GAB2: variants seen among roughly 807,000 people sequenced by gnomAD.
GAB2 encodes GRB2-associated-binding protein 2.
GAB2 carries 26 observed loss-of-function variants against 65.5 expected under a neutral mutation model. The ratio of observed to expected loss-of-function variants is 0.40; its 90% CI spans 0.29 to 0.55. GAB2 has a LOEUF of 0.55. Ranked by LOEUF, GAB2 falls within the 20% of genes least tolerant of loss-of-function variation. The pLI, the probability that GAB2 is intolerant of heterozygous loss-of-function variation, is 0.53. For synonymous variants in GAB2, 321 were observed against 329.6 expected (o/e 0.97, Z 0.28); for missense variants, 884 against 875.8 (o/e 1.01, Z -0.12).
At chr11:78,298,284 G>A (rs769318439) in intron 1 of GAB2, among the ~76,000 whole-genome samples, 4 of 152,158 alleles carry the variant, frequency 2.6e-5, no homozygotes, top group South Asian at 2.1e-4. Flanking sequence ...GGGAGATACC[G>A]GAGAAGGAAG....
intron 1 of GAB2, among the ~76,000 whole-genome samples, chr11:78,289,277 A>G (rs1158673939): frequency 6.6e-6 from 1 of 152,212 alleles, no homozygotes; most frequent in Non-Finnish European, 1.5e-5. Flanking sequence ...AGGCCTTTTC[A>G]AGAAATGGTG....
At chr11:78,314,775 T>C (rs1855567921) in intron 1 of GAB2, among the ~76,000 whole-genome samples, 1 of 152,172 alleles carries the variant, frequency 6.6e-6, no homozygotes, top group Non-Finnish European at 1.5e-5. Context: ...GAACAAAAAC[T>C]GTCGGTTTAG....
chr11:78,261,267 G>T (rs191797519), intron 2 of GAB2, among the ~76,000 whole-genome samples: 1 of 152,064 alleles, frequency 6.6e-6, no homozygotes, highest in African/African-American at 2.4e-5. Context: ...CGGCCTGGGC[G>T]ACAGAGTGAG....
chr11:78,365,144 G>C (rs1380758208), intron 1 of GAB2, among the ~76,000 whole-genome samples: 3 of 152,156 alleles, frequency 2.0e-5, no homozygotes, highest in African/African-American at 7.2e-5. Flanking sequence ...ACAAATATTT[G>C]TGTAGGAAAA....
In GAB2 at chr11:78,227,631, C is replaced by CAAAAAAAAAAAAAAAA. The variant is rs55716895; in HGVS notation, c.621-596_621-581dup. Among the ~76,000 whole-genome samples the CAAAAAAAAAAAAAAAA allele has an allele frequency of 1.0e-3, 109 of 105,976 alleles. 3 individuals are homozygous for CAAAAAAAAAAAAAAAA. Among genetic ancestry groups the CAAAAAAAAAAAAAAAA allele is most frequent in the East Asian group, 7.4e-3 (24 of 3,226 alleles). The allele number at this position is 105,976 out of a possible 152,430, so 69.5% of individuals were successfully genotyped here. ...GAACACAATAAGACTCCATTGCCAC[C>CAAAAAAAAAAAAAAAA]AAAAAAAAAAAAAAAAGAACTAGCT... On this transcript the variant is annotated intron_variant, in intron 3 of 9. Transcript: ENST00000361507.
chr11:78,272,440 AT>A (rs1866040989), intron 2 of GAB2, among the ~76,000 whole-genome samples: 1 of 152,176 alleles, frequency 6.6e-6, no homozygotes, highest in Non-Finnish European at 1.5e-5. Flanking sequence ...CTCTTGTTAT[AT>A]TTTAGCAAAG....
At chr11:78,299,366 C>T (rs373049488) in intron 1 of GAB2, among the ~76,000 whole-genome samples, 1 of 152,154 alleles carries the variant, frequency 6.6e-6, no homozygotes, top group African/African-American at 2.4e-5. Context: ...TTTAAGATCA[C>T]AGGAAAAGAC....
chr11:78,273,844 T>G (rs575096524), intron 2 of GAB2, among the ~76,000 whole-genome samples: 3 of 152,268 alleles, frequency 2.0e-5, no homozygotes, highest in Non-Finnish European at 2.9e-5. Context: ...TCCCAGGTTG[T>G]TCTCATGATA....
At chr11:78,263,313 T>C (rs996866207) in intron 2 of GAB2, among the ~76,000 whole-genome samples, 4 of 152,106 alleles carry the variant, frequency 2.6e-5, no homozygotes, top group Non-Finnish European at 5.9e-5. Flanking sequence ...AATGTGCTAG[T>C]TGTTGGTCAG....
chr11:78,248,512 C>T (rs2134519175), intron 3 of GAB2, among the ~76,000 whole-genome samples: 1 of 152,314 alleles, frequency 6.6e-6, no homozygotes, highest in African/African-American at 2.4e-5. Flanking sequence ...CTGCAAGGCA[C>T]TACAGCTAAG....
At chr11:78,345,266 T>G (rs1272535212) in intron 1 of GAB2, among the ~76,000 whole-genome samples, 1 of 152,108 alleles carries the variant, frequency 6.6e-6, no homozygotes, top group Non-Finnish European at 1.5e-5. Flanking sequence ...GCAATGGGAA[T>G]GAAATCCTGT....
chr11:78,371,811 G>A (rs1332979202), intron 1 of GAB2, among the ~76,000 whole-genome samples: 1 of 152,044 alleles, frequency 6.6e-6, no homozygotes, highest in Non-Finnish European at 1.5e-5. Context: ...AGCTGTACCG[G>A]CCAGAAAGGT....
chr11:78,223,676 G>A lies in GAB2; in HGVS notation c.1303C>T (p.Pro435Ser). ...SMSDGVGSFLPGKMIVGRSDS... is the reference protein window; with the variant it reads ...SMSDGVGSFLSGKMIVGRSDS... ...GATCGGCCCACAATCATTTTCCCTG[G>A]CTAGGGAGAGGAACAGTGAAAGAAA... The change falls in exon 6 of 10, where the codon CCA (proline) becomes TCA (serine). Residue 435 changes from proline to serine, a missense_variant and splice_region_variant. Transcript: ENST00000361507. 6.3e-7 allele frequency: 1 copy of A among 1,591,502 alleles called. No homozygotes were observed. The highest frequency in any genetic ancestry group is 8.6e-7 in the Non-Finnish European group (1 of 1,167,584).
intron 2 of GAB2, among the ~76,000 whole-genome samples, chr11:78,259,576 T>G (rs1054216590): frequency 6.6e-6 from 1 of 151,544 alleles, no homozygotes; most frequent in African/African-American, 2.4e-5. Flanking sequence ...GGATTAAGTC[T>G]CAAAGGCCTT....
chr11:78,392,433 T>C (rs1294457369), intron 1 of GAB2: 1 of 152,150 alleles, frequency 6.6e-6, no homozygotes, highest in Non-Finnish European at 1.5e-5. Flanking sequence ...AAAAGGAATA[T>C]GGGTAAGGCA....
At chr11:78,292,627 A>G (rs1866712380) in intron 1 of GAB2, among the ~76,000 whole-genome samples, 1 of 152,202 alleles carries the variant, frequency 6.6e-6, no homozygotes. Context: ...CTCGTGTCCC[A>G]TAATAGTTAA....
intron 3 of GAB2, among the ~76,000 whole-genome samples, chr11:78,230,749 A>G (rs1405052259): frequency 6.6e-6 from 1 of 152,262 alleles, no homozygotes; most frequent in Non-Finnish European, 1.5e-5. Flanking sequence ...ACATACTCAG[A>G]GGGCAGGGAA....
At chr11:78,357,067 G>A (rs1856368985) in intron 1 of GAB2, among the ~76,000 whole-genome samples, 1 of 152,130 alleles carries the variant, frequency 6.6e-6, no homozygotes, top group African/African-American at 2.4e-5. Flanking sequence ...GAGAAGTTCT[G>A]GAGATGGATG....
At position 78,218,540 on chromosome 11, in the gene GAB2, T is replaced by C. The variant is rs1378058990; in HGVS notation, c.*732A>G. The C allele has an allele frequency of 6.5e-6, 1 of 152,924 alleles. No homozygotes were observed. The highest frequency in any genetic ancestry group is 1.5e-5 in the Non-Finnish European group (1 of 68,520). The allele number at this position is 152,924 out of a possible 1,614,324, so 9.5% of individuals were successfully genotyped here. On this transcript the variant is annotated 3_prime_UTR_variant, in exon 10 of 10. Transcript: ENST00000361507. ...CCGAGCTCCAAGCCCTGCTCCTTGCTGCTCTAGGTTGGCCATCAGTTTTCC... is the reference window on the plus strand; with the variant it reads ...CCGAGCTCCAAGCCCTGCTCCTTGCCGCTCTAGGTTGGCCATCAGTTTTCC...
Sources: gnomAD v4.1 joint callset for allele counts (sites outside exome capture counted in the v4.1 genomes callset) on GRCh38, gnomAD v4.1.1 for gene constraint, MANE v1.5 for transcripts, NCBI Gene and HGNC (gene_info 2026-07-23, HGNC 2026-07-21) for gene names.